KIF1A: variants seen among roughly 807,000 people sequenced by gnomAD.
KIF1A encodes the protein kinesin-like protein KIF1A.
A neutral mutation model predicts 227.3 loss-of-function variants in KIF1A; 46 were observed. The observed-to-expected ratio is 0.20, with a 90% CI of 0.16 to 0.26. KIF1A has a LOEUF of 0.26. Ranked by LOEUF, KIF1A falls within the 10% of genes least tolerant of loss-of-function variation. The pLI, the probability that KIF1A is intolerant of heterozygous loss-of-function variation, is 1.00. For missense variants in KIF1A, 1,683 were observed against 2,485.9 expected, an observed-to-expected ratio of 0.68 and a Z score of 6.87; for synonymous variants, 1,022 against 1,012.8, an observed-to-expected ratio of 1.01 and a Z score of -0.17.
At chr2:240,799,069 C>T (rs2056712820) in intron 1 of KIF1A, among the ~76,000 whole-genome samples, 1 of 152,232 alleles carries the variant, frequency 6.6e-6, no homozygotes, top group Admixed American at 6.5e-5. Context: ...TCCTACAGTG[C>T]CCCAGCCTCA....
chr2:240,725,583 A>T lies in KIF1A; in HGVS notation c.4123-179T>A. 1.6e-6 allele frequency: 1 copy of T among 632,174 alleles called. No individual in the cohort carries two copies. Among genetic ancestry groups the T allele is most frequent in the South Asian group, 2.1e-5 (1 of 47,770 alleles). The allele number at this position is 632,174 out of a possible 1,614,324, so 39.2% of individuals were successfully genotyped here. A position where few individuals can be genotyped will look rare whatever the true frequency, so the allele number is the denominator to read the frequency against. The stretch of plus-strand genomic sequence containing the variant: ...AGTCTCTGCTCCTGCCCTCGAGAAA[A>T]CCCCACTGGGGACAGGTAGCCACAG... On this transcript the variant is annotated intron_variant, in intron 39 of 48. Transcript: ENST00000498729. This position sits in a 1 kb window ranked among gnomAD's most constrained non-coding sequence, Gnocchi z 5.8.
At chr2:240,783,151 C>T (rs370277471) in intron 8 of KIF1A, 42 bp from the exon 9 acceptor site, 23 of 1,492,040 alleles carry the variant, frequency 1.5e-5, no homozygotes, top group South Asian at 4.5e-5. Flanking sequence ...GCTGGGGACC[C>T]GTGGGGCCTC....
At chr2:240,723,913 C>A in intron 41 of KIF1A, 62 bp downstream of exon 41, 1 of 1,384,590 alleles carries the variant, frequency 7.2e-7, no homozygotes, top group Non-Finnish European at 1.0e-6. Flanking sequence ...TGTGGTCACC[C>A]CAAGTGGGCA....
At chr2:240,802,202 T>G (rs1395953720) in intron 1 of KIF1A, among the ~76,000 whole-genome samples, 1 of 152,144 alleles carries the variant, frequency 6.6e-6, no homozygotes, top group Non-Finnish European at 1.5e-5. Context: ...CTGCAAGATT[T>G]CAACATGATC....
At position 240,781,799 on chromosome 2, in the gene KIF1A, C is replaced by T. The variant is rs945626837; in HGVS notation, c.882+791G>A. The T allele has an allele frequency of 1.6e-5, 16 of 985,196 alleles. No individual in the cohort carries two copies. In the Admixed American group the frequency reaches 2.5e-4, roughly 15 times the overall value. 61.0% of individuals were successfully genotyped at this position (985,196 alleles called of 1,614,324 possible). ...TCAGCTTCCTCGCCTGGCTCCCACT[C>T]GGGTTCGCCACACCGTTCTCCACAG... On this transcript the variant is annotated intron_variant, in intron 10 of 48. Transcript: ENST00000498729.
chr2:240,801,149 C>T (rs1401863938), intron 1 of KIF1A, among the ~76,000 whole-genome samples: 1 of 151,076 alleles, frequency 6.6e-6, no homozygotes, highest in Non-Finnish European at 1.5e-5. Context: ...AAAATATAAA[C>T]ACATGAGAAA....
chr2:240,776,698 G>C lies in KIF1A; in HGVS notation c.883-772C>G, dbSNP rs981392060. ...GTTCATGTATGCATTGGCTTATGAA[G>C]CATTTCCAGAGCACCTGCTGGGCCG... On this transcript the variant is annotated intron_variant, in intron 10 of 48. Coordinates refer to ENST00000498729, the MANE Select transcript of KIF1A (RefSeq NM_001244008.2). Among the ~76,000 whole-genome samples the C allele has an allele frequency of 2.0e-5, 3 of 152,380 alleles. No individual in the cohort carries two copies. In the East Asian group the frequency reaches 5.8e-4, roughly 29 times the overall value.
intron 7 of KIF1A, 64 bp from the exon 8 acceptor site, chr2:240,783,880 C>T: frequency 1.5e-6 from 2 of 1,292,844 alleles, no homozygotes; most frequent in Non-Finnish European, 2.2e-6. Context: ...TCCCAGGACC[C>T]CTGGGCAAGG....
intron 7 of KIF1A, 116 bp from the exon 8 acceptor site, chr2:240,783,932 T>C (rs916098401): frequency 1.3e-6 from 1 of 780,552 alleles, no homozygotes; most frequent in African/African-American, 1.7e-5. Context: ...GCGTCCCCTC[T>C]GCAAGGCGCC....
intron 38 of KIF1A, among the ~76,000 whole-genome samples, chr2:240,729,265 T>TCTTCTGTCCCTTCTGCCTCTGTCTTCTGC (rs544912390): frequency 0.04 from 6,135 of 152,236 alleles, 362 homozygotes; most frequent in African/African-American, 0.13. Flanking sequence ...GCCTCCAAAG[T>TCTTCTGTCCCTTCTGCCTCTGTCTTCTGC]CCCTAAAGGG....
At chr2:240,732,469 GA>G (rs1399163039) in intron 38 of KIF1A, among the ~76,000 whole-genome samples, 1 of 145,902 alleles carries the variant, frequency 6.9e-6, no homozygotes, top group African/African-American at 2.6e-5. Flanking sequence ...GGTAAGGGAT[GA>G]GGGGGTGAGG....
chr2:240,733,833 C>T (rs1342456480), intron 38 of KIF1A, among the ~76,000 whole-genome samples: 1 of 152,218 alleles, frequency 6.6e-6, no homozygotes, highest in Admixed American at 6.5e-5. Flanking sequence ...AGGATAACTG[C>T]CGTGACGCTG....
At chr2:240,794,318 T>C (rs772091999) in intron 2 of KIF1A, among the ~76,000 whole-genome samples, 2 of 152,066 alleles carry the variant, frequency 1.3e-5, no homozygotes, top group African/African-American at 4.8e-5. Flanking sequence ...TTCCTAGAGA[T>C]TTTTCCTGAT....
intron 31 of KIF1A, 60 bp from the exon 32 acceptor site, chr2:240,745,577 G>A (rs2048497104): frequency 7.3e-6 from 11 of 1,513,462 alleles, no homozygotes; most frequent in Non-Finnish European, 9.0e-6. Context: ...GACCTTACCA[G>A]GTGGAACCCA....
intron 27 of KIF1A, among the ~76,000 whole-genome samples, chr2:240,753,922 C>A (rs1328727023): frequency 6.6e-6 from 1 of 152,210 alleles, no homozygotes; most frequent in Non-Finnish European, 1.5e-5. Flanking sequence ...CAAGCTCCAC[C>A]ACCTACTTCT....
rs1225778411 is a variant in KIF1A, at chr2:240,741,273, C to T, written c.3745G>A (p.Gly1249Ser). 1 of 1,587,352 alleles carries T rather than the reference C, an allele frequency of 6.3e-7. No homozygotes were observed. ...YFEICELEAN[G>S]DYIPAVVDHR... ...GGCCCCAGCACCAGCACTCACTCGC[C>T]GTTGGCCTCCAGCTCACAGATCTCG... The change falls in exon 35 of 49, where the codon GGC becomes AGC. Residue 1249 changes from glycine to serine, a missense_variant. Physicochemically the swap from Gly to Ser is moderately conservative, Grantham distance 56 (BLOSUM62 0). Around this residue, in one of 12 missense-constraint regions of KIF1A, gnomAD observed 759 missense variants for 1,020.2 expected, o/e 0.74. Coordinates refer to ENST00000498729, the MANE Select transcript of KIF1A (RefSeq NM_001244008.2).
At chr2:240,718,349 G>C (rs1366730709) in intron 47 of KIF1A, among the ~76,000 whole-genome samples, 181 bp from the exon 48 acceptor site, 2 of 152,190 alleles carry the variant, frequency 1.3e-5, no homozygotes, top group Non-Finnish European at 2.9e-5. Flanking sequence ...CCTTCTGGAC[G>C]CATCTGCGGC....
At chr2:240,761,091 G>A (rs1041609879) in intron 24 of KIF1A, 138 bp downstream of exon 24, 5 of 1,097,302 alleles carry the variant, frequency 4.6e-6, no homozygotes, top group African/African-American at 1.6e-5. Context: ...CTTCTGGGGG[G>A]CCAGGTCAGG....
In KIF1A at chr2:240,735,194, G is replaced by A. The variant is rs533849077; in HGVS notation, c.4007+1869C>T. Among the ~76,000 whole-genome samples the A allele has an allele frequency of 1.5e-4, 23 of 152,280 alleles. 1 individual carries two copies. In the East Asian group the frequency reaches 3.5e-3, roughly 23 times the overall value. On this transcript the variant is annotated intron_variant, in intron 38 of 48. Transcript: ENST00000498729. ...GCCAAGCGAGGGCCAAAGCCGCTTC[G>A]GGGAGGCCGCGCCCACGCAACGCGC... is the stretch of plus-strand genomic sequence containing the variant.
Sources: allele counts gnomAD v4.1 joint callset (sites outside exome capture counted in the v4.1 genomes callset), GRCh38; gene constraint gnomAD v4.1.1; regional missense constraint gnomAD v4.1.1; non-coding constraint Gnocchi (gnomAD v3.1); transcripts MANE v1.5; gene names NCBI Gene and HGNC (gene_info 2026-07-23, HGNC 2026-07-21).